PTPRD: variants seen among roughly 807,000 people sequenced by gnomAD.
PTPRD encodes the protein receptor-type tyrosine-protein phosphatase delta.
PTPRD carries 34 observed loss-of-function variants against 214.5 expected under a neutral mutation model. That is an observed-to-expected ratio of 0.16 (90% confidence interval 0.12 to 0.21). The LOEUF is 0.21. PTPRD is among the 10% of genes least tolerant of loss of function. The pLI, the probability that PTPRD is intolerant of heterozygous loss-of-function variation, is 1.00. For synonymous variants in PTPRD, 1,128 were observed against 845.7 expected (o/e 1.33, Z -5.79); for missense variants, 2,545 against 2,398.7 (o/e 1.06, Z -1.27).
At chr9:10,063,336 C>T (rs921014569) in intron 3 of PTPRD, among the ~76,000 whole-genome samples, 1 of 151,902 alleles carries the variant, frequency 6.6e-6, no homozygotes, top group African/African-American at 2.4e-5. Flanking sequence ...AATAAATGTC[C>T]CACTATACAT....
intron 4 of PTPRD, among the ~76,000 whole-genome samples, chr9:10,008,119 G>A (rs2096527010): frequency 6.6e-6 from 1 of 151,894 alleles, no homozygotes; most frequent in Non-Finnish European, 1.5e-5. Flanking sequence ...AAAATCTTAA[G>A]CACCTCAACC....
chr9:10,031,776 T>C (rs1341836546), intron 4 of PTPRD, among the ~76,000 whole-genome samples: 2 of 151,236 alleles, frequency 1.3e-5, no homozygotes, highest in East Asian at 1.9e-4. Flanking sequence ...GTTTACTAGA[T>C]TCGTAGATCA....
At chr9:9,000,952 T>C (rs1465770531) in intron 11 of PTPRD, among the ~76,000 whole-genome samples, 1 of 151,838 alleles carries the variant, frequency 6.6e-6, no homozygotes, top group Non-Finnish European at 1.5e-5. Context: ...ACCTTAACCA[T>C]ACAAACAGCT....
At chr9:9,070,758 T>G (rs1429755477) in intron 10 of PTPRD, among the ~76,000 whole-genome samples, 2 of 152,208 alleles carry the variant, frequency 1.3e-5, no homozygotes, top group Non-Finnish European at 2.9e-5. Flanking sequence ...AATTTTTTAG[T>G]TCAGGATTTA....
At chr9:9,119,627 G>A (rs896878544) in intron 10 of PTPRD, among the ~76,000 whole-genome samples, 9 of 151,700 alleles carry the variant, frequency 5.9e-5, no homozygotes, top group Non-Finnish European at 1.0e-4. Flanking sequence ...AGGTTCAAGC[G>A]ATTCTCCTGC....
intron 3 of PTPRD, among the ~76,000 whole-genome samples, chr9:10,189,465 A>G (rs1169174467): frequency 6.6e-6 from 1 of 152,218 alleles, no homozygotes; most frequent in Non-Finnish European, 1.5e-5. Flanking sequence ...TCTCTGCTGC[A>G]TTTTATAAGT....
chr9:8,443,931 TTAA>T (rs1279188987), intron 34 of PTPRD, among the ~76,000 whole-genome samples: 2 of 152,228 alleles, frequency 1.3e-5, no homozygotes, highest in African/African-American at 4.8e-5. Context: ...TCACCATCTT[TTAA>T]TAATATTATG....
chr9:9,299,626 A>C (rs906308972), intron 9 of PTPRD, among the ~76,000 whole-genome samples: 1 of 151,800 alleles, frequency 6.6e-6, no homozygotes, highest in Admixed American at 6.6e-5. Flanking sequence ...AAGGTCATCC[A>C]TACACATCTT....
intron 8 of PTPRD, among the ~76,000 whole-genome samples, chr9:9,409,931 A>G (rs1035389375): frequency 6.6e-6 from 1 of 152,328 alleles, no homozygotes; most frequent in Admixed American, 6.5e-5. Flanking sequence ...ATTTAAAAGC[A>G]TATGAATAAA....
At chr9:8,989,903 A>G (rs1463444097) in intron 11 of PTPRD, among the ~76,000 whole-genome samples, 3 of 152,188 alleles carry the variant, frequency 2.0e-5, no homozygotes, top group Non-Finnish European at 2.9e-5. Flanking sequence ...AAAATTGCCC[A>G]TATAAGTTTA....
intron 9 of PTPRD, among the ~76,000 whole-genome samples, chr9:9,188,300 C>G (rs2099932911): frequency 1.3e-5 from 2 of 151,926 alleles, no homozygotes; most frequent in African/African-American, 2.4e-5. Context: ...GGGTAATTTC[C>G]AGTTTAAAGC....
chr9:9,911,323 G>C (rs1449768101), intron 5 of PTPRD, among the ~76,000 whole-genome samples: 1 of 152,032 alleles, frequency 6.6e-6, no homozygotes, highest in Non-Finnish European at 1.5e-5. Context: ...TAGAGTCTCT[G>C]TGTGTGATTC....
chr9:8,449,685 G>A (rs766939506), intron 34 of PTPRD, 40 bp downstream of exon 34: 2 of 1,577,686 alleles, frequency 1.3e-6, no homozygotes, highest in African/African-American at 2.7e-5. Context: ...ACAACTTCTG[G>A]GAAAGACTGT....
chr9:8,725,127 T>C (rs2098543563), intron 12 of PTPRD, among the ~76,000 whole-genome samples: 1 of 152,176 alleles, frequency 6.6e-6, no homozygotes, highest in African/African-American at 2.4e-5. Context: ...CCTGTATGAT[T>C]GTTGTAATGT....
chr9:8,769,648 A>G (rs1275711269), intron 11 of PTPRD, among the ~76,000 whole-genome samples: 4 of 152,176 alleles, frequency 2.6e-5, no homozygotes, highest in African/African-American at 7.2e-5. Flanking sequence ...CCCTCAGTGT[A>G]AAAATGTAAT....
intron 11 of PTPRD, among the ~76,000 whole-genome samples, chr9:8,984,756 G>C (rs942650829): frequency 5.9e-5 from 9 of 152,032 alleles, no homozygotes; most frequent in African/African-American, 1.9e-4. Context: ...AGTATTTATG[G>C]TGCCACTTGG....
chr9:10,604,264 A>G (rs2078731111), intron 2 of PTPRD, among the ~76,000 whole-genome samples: 2 of 151,978 alleles, frequency 1.3e-5, no homozygotes, highest in South Asian at 4.1e-4. Context: ...ATGGCCTGAA[A>G]TTCCTTTCTC....
chr9:9,835,129 T>C (rs1203362922), intron 5 of PTPRD, among the ~76,000 whole-genome samples: 6 of 152,054 alleles, frequency 3.9e-5, no homozygotes, highest in African/African-American at 1.4e-4. Flanking sequence ...AAGGATTATA[T>C]CCTAGATATC....
chr9:10,484,986 G>A (rs1055927319), intron 2 of PTPRD, among the ~76,000 whole-genome samples: 1 of 151,738 alleles, frequency 6.6e-6, no homozygotes, highest in Non-Finnish European at 1.5e-5. Flanking sequence ...TAGTTTCATA[G>A]TTTACGGTCT....
Sources: allele counts gnomAD v4.1 joint callset (sites outside exome capture counted in the v4.1 genomes callset), GRCh38; gene constraint gnomAD v4.1.1; transcripts MANE v1.5; gene names NCBI Gene and HGNC (gene_info 2026-07-23, HGNC 2026-07-21).